Variants in SOD2 observed in about 807,000 individuals in gnomAD.
SOD2 encodes the protein superoxide dismutase [Mn], mitochondrial.
In SOD2, 11 loss-of-function variants were observed where a neutral mutation model predicts 27.0. The observed-to-expected ratio is 0.41, with a 90% confidence interval of 0.26 to 0.67. The LOEUF (loss-of-function observed/expected upper bound fraction) is 0.67, where lower values mean the gene tolerates loss of function less well. Among genes scored for constraint, SOD2 ranks in the 30% least tolerant of loss-of-function variants. SOD2 has a pLI of 0.34. For missense variants in SOD2, 250 were observed against 274.5 expected (o/e 0.91, Z 0.63); for synonymous variants, 105 against 103.0 (o/e 1.02, Z -0.12).
Position 159,698,614 on chromosome 6 carries a change from G to GA in SOD2, c.-115-5752dup, listed in dbSNP as rs144911458. On this transcript the variant is annotated intron_variant, in intron 1 of 2. Transcript: ENST00000401980. The stretch of plus-strand genomic sequence containing the variant: ...AAAAAAAAATCCAATAAAACATTTA[G>GA]AAAAAAAAAAAAACAAGAAAAGAAA... Among the ~76,000 whole-genome samples the GA allele has an allele frequency of 4.9e-3, 531 of 108,880 alleles. 7 individuals carry two copies. The highest frequency in any genetic ancestry group is 0.015 in the African/African-American group (418 of 27,248). 71.4% of individuals were successfully genotyped at this position (108,880 alleles called of 152,430 possible). A position where few individuals can be genotyped will look rare whatever the true frequency, so the allele number is the denominator to read the frequency against.
chr6:159,761,748 T>C, exon 1 of SOD2: 1 of 345,170 alleles, frequency 2.9e-6, no homozygotes, highest in Non-Finnish European at 5.7e-6. Context: ...AACATTGGGG[T>C]GTCCAGAAAC....
rs1334943476 is a variant in SOD2 at position 159,732,611 on chromosome 6, G to T, written c.-116+12519C>A. On this transcript the variant is annotated intron_variant, in intron 1 of 3. Coordinates refer to the SOD2 transcript ENST00000537657. ...ACACTTTGGGAGGCCAAAGCAGGTG[G>T]ATTACCTGAGGTGAGGAGTTCGAGA... Among the ~76,000 whole-genome samples, 3 of 152,274 alleles carry T rather than the reference G, an allele frequency of 2.0e-5. No homozygotes were observed. The East Asian group carries it at 5.8e-4, about 29-fold the overall frequency.
At chr6:159,755,469 C>T (rs1779967896) in intron 1 of SOD2, 4 of 1,614,050 alleles carry the variant, frequency 2.5e-6, no homozygotes, top group Admixed American at 1.7e-5. Flanking sequence ...AACTCTCTCA[C>T]ACACCAATCA....
chr6:159,710,120 G>A (rs1186682795), intron 1 of SOD2, among the ~76,000 whole-genome samples: 2 of 114,200 alleles, frequency 1.8e-5, no homozygotes, highest in South Asian at 7.4e-4. Flanking sequence ...GTTGTGGGGT[G>A]GGGGGAGGGG....
chr6:159,689,298 C>T (rs1780340290), intron 2 of SOD2, among the ~76,000 whole-genome samples: 1 of 152,206 alleles, frequency 6.6e-6, no homozygotes, highest in Admixed American at 6.5e-5. Context: ...ACTGAAACAT[C>T]AACCCCATCA....
chr6:159,695,981 A>T (rs185257942), upstream of SOD2, among the ~76,000 whole-genome samples: 3 of 152,288 alleles, frequency 2.0e-5, no homozygotes, highest in African/African-American at 7.2e-5. Context: ...CCATCCTGAG[A>T]CCCACCACAG....
At chr6:159,698,207 C>A (rs13203598), upstream of SOD2, among the ~76,000 whole-genome samples, 65,420 of 151,534 alleles carry the variant, frequency 0.43, 14,859 homozygotes, top group Admixed American at 0.51. Context: ...CGGGAGGCGG[C>A]AGCTGCAGTG....
chr6:159,737,585 C>T (rs940199815), intron 1 of SOD2, among the ~76,000 whole-genome samples: 25 of 152,024 alleles, frequency 1.6e-4, no homozygotes, highest in African/African-American at 6.0e-4. Context: ...CCTCATACCC[C>T]AGCTTATGCG....
chr6:159,734,627 A>G (rs1161307344), intron 1 of SOD2, among the ~76,000 whole-genome samples: 2 of 152,132 alleles, frequency 1.3e-5, no homozygotes, highest in African/African-American at 2.4e-5. Context: ...CCTGGGCACT[A>G]TGGTGGGTCC....
At chr6:159,733,515 G>C (rs966321873) in intron 1 of SOD2, among the ~76,000 whole-genome samples, 1 of 152,118 alleles carries the variant, frequency 6.6e-6, no homozygotes, top group African/African-American at 2.4e-5. Context: ...CCAGGTACTC[G>C]GGAGGCTGAG....
intron 1 of SOD2, among the ~76,000 whole-genome samples, chr6:159,752,539 C>A (rs1404597642): frequency 1.3e-5 from 2 of 152,126 alleles, no homozygotes; most frequent in Non-Finnish European, 2.9e-5. Flanking sequence ...AAACTATAAT[C>A]TGTGGAAAGT....
intron 3 of SOD2, among the ~76,000 whole-genome samples, chr6:159,686,358 A>T (rs747723432): frequency 4.6e-5 from 7 of 152,202 alleles, no homozygotes; most frequent in Middle Eastern, 3.2e-3. Context: ...CAGAAAAAAA[A>T]TAAGTTGGCC....
At chr6:159,725,350 G>A (rs937845100) in intron 1 of SOD2, among the ~76,000 whole-genome samples, 5 of 151,762 alleles carry the variant, frequency 3.3e-5, no homozygotes, top group African/African-American at 1.2e-4. Flanking sequence ...GGATGGTGGC[G>A]CATGCCTGTA....
At chr6:159,727,571 GA>G (rs1272207540), upstream of SOD2, 200 of 987,570 alleles carry the variant, frequency 2.0e-4, no homozygotes, top group Middle Eastern at 5.2e-4. Flanking sequence ...GTTGCGGCGG[GA>G]CTAGGAGCGC....
intron 1 of SOD2, among the ~76,000 whole-genome samples, chr6:159,712,486 C>CAA (rs1777833283): frequency 3.3e-5 from 3 of 91,422 alleles, no homozygotes; most frequent in Admixed American, 2.5e-4. Context: ...CACCACTCAG[C>CAA]TGCTCTGACC....
At position 159,711,888 on chromosome 6, in the gene SOD2, T is replaced by C. The variant is rs193264270; in HGVS notation, c.-116+15241A>G. Among the ~76,000 whole-genome samples the C allele has an allele frequency of 5.3e-4, 66 of 125,210 alleles. 10 individuals are homozygous for C. The highest frequency in any genetic ancestry group is 1.4e-3 in the South Asian group (5 of 3,500). 82.1% of individuals were successfully genotyped at this position (125,210 alleles called of 152,430 possible). A position where few individuals can be genotyped will look rare whatever the true frequency, so the allele number is the denominator to read the frequency against. On this transcript the variant is annotated intron_variant, in intron 1 of 2. Coordinates refer to the SOD2 transcript ENST00000401980. ...ACCAGTCACACTGCTCTGATCTCCA[T>C]AACCACCACTCACATTGCTCTGATC...
At chr6:159,758,543 T>C (rs192020512) in intron 1 of SOD2, among the ~76,000 whole-genome samples, 1 of 152,358 alleles carries the variant, frequency 6.6e-6, no homozygotes, top group Non-Finnish European at 1.5e-5. Context: ...AGTTATGCCC[T>C]GTACTCAAAT....
At position 159,699,580 on chromosome 6, in the gene SOD2, G is replaced by T. The variant is rs183176503; in HGVS notation, c.-115-6717C>A. ...CACGAGAAAAAAAAAAACAAACATG[G>T]TCACTGCATTCTATGTAAGGGTGGG... On this transcript the variant is annotated intron_variant, in intron 1 of 2. Transcript: ENST00000401980. Among the ~76,000 whole-genome samples, 6 of 152,086 alleles carry T rather than the reference G, an allele frequency of 3.9e-5. No individual in the cohort carries two copies. The East Asian group carries it at 1.2e-3, about 29-fold the overall frequency.
At position 159,690,370 on chromosome 6, in the gene SOD2, G is replaced by A. The variant is rs1188870802; in HGVS notation, c.227-2128C>T. Among the ~76,000 whole-genome samples the A allele has an allele frequency of 6.6e-5, 10 of 151,826 alleles. No homozygotes were observed. The East Asian group carries it at 7.7e-4, about 12-fold the overall frequency. On this transcript the variant is annotated intron_variant, in intron 2 of 4. Coordinates refer to ENST00000538183, the MANE Select transcript of SOD2 (RefSeq NM_000636.4). ...CCAGCACTCTGGAAGGCCGAGGTGC[G>A]TGGATAGGGGAGCCCAGGAATTCAA...
Sources: gnomAD v4.1 joint callset for allele counts (sites outside exome capture counted in the v4.1 genomes callset) on GRCh38, gnomAD v4.1.1 for gene constraint, MANE v1.5 for transcripts, NCBI Gene and HGNC (gene_info 2026-07-23, HGNC 2026-07-21) for gene names.